The following LINGO2 variants were observed in gnomAD, a reference collection of about 807,000 sequenced individuals.
The protein encoded by LINGO2 is leucine-rich repeat and immunoglobulin-like domain-containing nogo receptor-interacting protein 2.
LINGO2 carries 14 observed loss-of-function variants against 30.6 expected under a neutral mutation model. That is an observed-to-expected ratio of 0.46 (90% CI 0.30 to 0.72). The LOEUF (loss-of-function observed/expected upper bound fraction) is 0.72, where lower values mean the gene tolerates loss of function less well. Ranked by LOEUF, LINGO2 falls within the 30% of genes least tolerant of loss-of-function variation. The pLI, the probability that LINGO2 is intolerant of heterozygous loss-of-function variation, is 0.07. For synonymous variants in LINGO2, 317 were observed against 288.5 expected (o/e 1.10, Z -1.00); for missense variants, 729 against 751.7 (o/e 0.97, Z 0.35).
intron 1 of LINGO2, among the ~76,000 whole-genome samples, chr9:28,634,455 C>T (rs1587996435): frequency 1.3e-5 from 2 of 151,148 alleles, no homozygotes; most frequent in Non-Finnish European, 2.9e-5. Context: ...CAACTCCCCT[C>T]CCCCCACACT....
At chr9:28,009,477 A>T (rs976046075) in intron 5 of LINGO2, among the ~76,000 whole-genome samples, 1 of 152,132 alleles carries the variant, frequency 6.6e-6, no homozygotes, top group Non-Finnish European at 1.5e-5. Flanking sequence ...ATAAATATAT[A>T]ATAAAAACTT....
the LINGO2 span, among the ~76,000 whole-genome samples, chr9:28,708,438 C>T: frequency 1.3e-5 from 2 of 152,066 alleles, no homozygotes; most frequent in Non-Finnish European, 2.9e-5. Context: ...ATCTGTCTGC[C>T]TTAGCTGCTC....
intron 5 of LINGO2, among the ~76,000 whole-genome samples, chr9:27,976,117 C>G (rs928222460): frequency 2.1e-4 from 32 of 152,198 alleles, no homozygotes; most frequent in African/African-American, 7.7e-4. Context: ...AAATGGGATA[C>G]TAACAGTACC....
At chr9:28,797,392 A>AGAGAGAGAGAGG in the LINGO2 span, among the ~76,000 whole-genome samples, 2 of 146,102 alleles carry the variant, frequency 1.4e-5, no homozygotes, top group African/African-American at 5.0e-5. Flanking sequence ...AGAGAGAGAG[A>AGAGAGAGAGAGG]GAGAAAGCCT....
In LINGO2 at chr9:27,999,436, CAGAGAGAGAGAG is replaced by C. The variant is rs36216761; in HGVS notation, c.-36+12907_-36+12918del. ...CGACTTAATCACAGTGCCTAATCTTCAGAGAGAGAGAGAGAGAGAGAGAGAGAGAGAGAGAGT... is the reference window on the plus strand; with the variant it reads ...CGACTTAATCACAGTGCCTAATCTTCAGAGAGAGAGAGAGAGAGAGAGAGT... On this transcript the variant is annotated intron_variant, in intron 5 of 5. Transcript: ENST00000379992. Among the ~76,000 whole-genome samples, 858 of 143,764 alleles carry C rather than the reference CAGAGAGAGAGAG, an allele frequency of 6.0e-3. 10 individuals carry two copies. Among genetic ancestry groups the C allele is most frequent in the African/African-American group, 0.02 (794 of 38,748 alleles). The allele number at this position is 143,764 out of a possible 152,430, so 94.3% of individuals were successfully genotyped here.
At chr9:29,021,744 G>A in the LINGO2 span, among the ~76,000 whole-genome samples, 2 of 144,492 alleles carry the variant, frequency 1.4e-5, no homozygotes, top group South Asian at 4.4e-4. Context: ...AAGGAAGGAA[G>A]GAAAGCATTG....
At chr9:28,053,501 T>A (rs1030975425) in intron 4 of LINGO2, among the ~76,000 whole-genome samples, 1 of 152,130 alleles carries the variant, frequency 6.6e-6, no homozygotes, top group African/African-American at 2.4e-5. Context: ...AAACTGAATC[T>A]GAAGCCTTAA....
the LINGO2 span, among the ~76,000 whole-genome samples, chr9:28,752,284 A>G: frequency 1.3e-5 from 2 of 152,018 alleles, no homozygotes; most frequent in Non-Finnish European, 2.9e-5. Flanking sequence ...TGATTTTGCC[A>G]AAGCCAGCTG....
intron 5 of LINGO2, among the ~76,000 whole-genome samples, chr9:27,993,190 T>C (rs541264219): frequency 6.6e-6 from 1 of 152,262 alleles, no homozygotes; most frequent in South Asian, 2.1e-4. Context: ...TTTTATGTCA[T>C]ATTAAATTGG....
At chr9:28,420,032 A>G (rs905741032) in intron 2 of LINGO2, among the ~76,000 whole-genome samples, 1 of 152,082 alleles carries the variant, frequency 6.6e-6, no homozygotes, top group Non-Finnish European at 1.5e-5. Context: ...ATAGTATATC[A>G]AAGTTAAGAA....
At chr9:28,958,751 G>A in the LINGO2 span, among the ~76,000 whole-genome samples, 1 of 152,082 alleles carries the variant, frequency 6.6e-6, no homozygotes, top group Non-Finnish European at 1.5e-5. Context: ...AAGGGAGGGG[G>A]GAGAGGGAGA....
At chr9:28,577,309 T>G (rs1824037385) in intron 1 of LINGO2, among the ~76,000 whole-genome samples, 1 of 152,150 alleles carries the variant, frequency 6.6e-6, no homozygotes, top group Non-Finnish European at 1.5e-5. Flanking sequence ...CTTTTCAGAC[T>G]TTTGCATTTC....
chr9:28,661,088 C>T (rs1157340407), intron 1 of LINGO2, among the ~76,000 whole-genome samples: 2 of 152,038 alleles, frequency 1.3e-5, no homozygotes, highest in Non-Finnish European at 2.9e-5. Flanking sequence ...GTCTATTTGT[C>T]TATGTCTTGT....
the LINGO2 span, among the ~76,000 whole-genome samples, chr9:28,740,375 G>T: frequency 1.5e-4 from 23 of 151,738 alleles, no homozygotes; most frequent in East Asian, 4.3e-3. Flanking sequence ...TTTTTGAATT[G>T]TCTATTTCTC....
the LINGO2 span, chr9:28,863,479 C>T: frequency 5.7e-6 from 2 of 349,208 alleles, no homozygotes; most frequent in Non-Finnish European, 1.2e-5. Flanking sequence ...TCACTGTTAA[C>T]ACTAAGCACC....
At chr9:28,055,258 G>C (rs1824871747) in intron 4 of LINGO2, among the ~76,000 whole-genome samples, 1 of 152,114 alleles carries the variant, frequency 6.6e-6, no homozygotes, top group South Asian at 2.1e-4. Context: ...GCCTCAAACT[G>C]ATTTCCTTTT....
intron 2 of LINGO2, among the ~76,000 whole-genome samples, chr9:28,431,428 T>A (rs1031276427): frequency 6.6e-6 from 1 of 152,134 alleles, no homozygotes; most frequent in South Asian, 2.1e-4. Flanking sequence ...CAAAGATAAA[T>A]CACATATTAA....
the LINGO2 span, among the ~76,000 whole-genome samples, chr9:28,878,264 T>C: frequency 4.6e-5 from 7 of 152,030 alleles, no homozygotes; most frequent in Non-Finnish European, 1.0e-4. Flanking sequence ...CCTCGACACA[T>C]ACACCCTCCC....
At chr9:29,170,894 G>C in the LINGO2 span, among the ~76,000 whole-genome samples, 1 of 152,114 alleles carries the variant, frequency 6.6e-6, no homozygotes, top group Admixed American at 6.5e-5. Flanking sequence ...TTAACATGAT[G>C]TGCTGGTTTG....
Sources: allele counts gnomAD v4.1 joint callset (sites outside exome capture counted in the v4.1 genomes callset), GRCh38; gene constraint gnomAD v4.1.1; transcripts MANE v1.5; gene names NCBI Gene and HGNC (gene_info 2026-07-23, HGNC 2026-07-21).